The following ZDHHC9 variants were observed in gnomAD, a reference collection of about 807,000 sequenced individuals.
ZDHHC9 encodes zDHHC palmitoyltransferase 9, also known as palmitoyltransferase ZDHHC9.
In ZDHHC9, 3 loss-of-function variants were observed where a neutral mutation model predicts 26.6. That is an observed-to-expected ratio of 0.11 (90% CI 0.05 to 0.29). The LOEUF (loss-of-function observed/expected upper bound fraction) is 0.29, where lower values mean the gene tolerates loss of function less well. Ranked by LOEUF, ZDHHC9 falls within the 10% of genes least tolerant of loss-of-function variation. The probability of loss-of-function intolerance (pLI) is 1.00; values close to 1 mark genes in which losing one functional copy is unlikely to be tolerated. For missense variants in ZDHHC9, 146 were observed against 296.4 expected (o/e 0.49, Z 3.73); for synonymous variants, 111 against 109.4 (o/e 1.01, Z -0.09).
rs746435692 is a variant in ZDHHC9 at position 129,825,031 on chromosome X, G to A, written c.329-1194C>T. 5.1e-4 allele frequency among the ~76,000 whole-genome samples: 57 copies of A among 112,321 alleles called. 1 individual carries two copies. The highest frequency in any genetic ancestry group is 6.6e-4 in the Non-Finnish European group (35 of 53,283). On this transcript the variant is annotated intron_variant, in intron 4 of 10. Transcript: ENST00000357166. ...AAAAAAACAGAATAGGGCCAGGCAT[G>A]GTGGCTCACGCCTGTAATCCCAGCA...
At chrX:129,814,537 A>G in intron 6 of ZDHHC9, 121 bp downstream of exon 6, 4 of 1,038,843 alleles carry the variant, frequency 3.9e-6, no homozygotes, top group Non-Finnish European at 5.3e-6. Context: ...CTCATTTCTA[A>G]CCTGTCCTAA....
At chrX:129,825,662 A>C (rs1455442982) in intron 4 of ZDHHC9, among the ~76,000 whole-genome samples, 1 of 111,442 alleles carries the variant, frequency 9.0e-6, no homozygotes, top group South Asian at 3.7e-4. Flanking sequence ...TCCTTCGATC[A>C]CCACCTCAAT....
intron 5 of ZDHHC9, among the ~76,000 whole-genome samples, chrX:129,820,564 C>G (rs1040006597): frequency 9.0e-6 from 1 of 111,431 alleles, no homozygotes; most frequent in Non-Finnish European, 1.9e-5. Context: ...GCCCTCCAGC[C>G]TGGGAAAAAG....
intron 4 of ZDHHC9, among the ~76,000 whole-genome samples, chrX:129,828,201 C>T (rs1485640443): frequency 1.8e-5 from 2 of 112,130 alleles, no homozygotes; most frequent in Non-Finnish European, 3.8e-5. Flanking sequence ...AAATTGTGTA[C>T]ATGTACATGC....
chrX:129,832,034 G>A (rs1422562621), intron 3 of ZDHHC9, among the ~76,000 whole-genome samples: 9 of 108,723 alleles, frequency 8.3e-5, no homozygotes, highest in South Asian at 4.0e-4. Context: ...GATTTTAAGC[G>A]TTCTCACCAT....
chrX:129,823,589 A>G, intron 5 of ZDHHC9, 90 bp downstream of exon 5: 3 of 1,061,528 alleles, frequency 2.8e-6, no homozygotes, highest in Admixed American at 2.2e-5. Flanking sequence ...ATCTAAATCT[A>G]TCTTCCCTCC....
chrX:129,841,757 ACT>A lies in ZDHHC9; in HGVS notation c.167+20_167+21del. 2 of 1,210,953 alleles carry A rather than the reference ACT, an allele frequency of 1.7e-6. No individual in the cohort carries two copies. The highest frequency in any genetic ancestry group is 2.2e-6 in the Non-Finnish European group (2 of 895,005). On this transcript the variant is annotated intron_variant, in intron 3 of 10. Coordinates refer to ENST00000357166, the MANE Select transcript of ZDHHC9 (RefSeq NM_016032.4). ...GACCCAAAGTAACCATAATCAGGTA[ACT>A]CTACTCAACCGAAACTCACTCAAAG...
chrX:129,843,069 A>T (rs1177313415), intron 2 of ZDHHC9, among the ~76,000 whole-genome samples, 190 bp downstream of exon 2: 1 of 112,322 alleles, frequency 8.9e-6, no homozygotes, highest in Admixed American at 9.4e-5. Flanking sequence ...CACATGCCCC[A>T]CGCTGGCAGG....
intron 4 of ZDHHC9, among the ~76,000 whole-genome samples, chrX:129,825,025 A>C (rs1222247948): frequency 8.9e-6 from 1 of 112,399 alleles, no homozygotes; most frequent in Non-Finnish European, 1.9e-5. Flanking sequence ...GAATAGGGCC[A>C]GGCATGGTGG....
chrX:129,834,359 AT>A (rs202172697), intron 3 of ZDHHC9, among the ~76,000 whole-genome samples: 15,892 of 111,434 alleles, frequency 0.14, 2,786 homozygotes, highest in African/African-American at 0.49. Context: ...AGAACCACCC[AT>A]TAAGACTGTT....
chrX:129,825,964 C>G (rs777806821), intron 4 of ZDHHC9, among the ~76,000 whole-genome samples: 102 of 111,843 alleles, frequency 9.1e-4, no homozygotes, highest in African/African-American at 3.2e-3. Context: ...AACTGCTTCC[C>G]AGACAGACCG....
rs1927510652 is a variant in ZDHHC9 at position 129,806,149 on chromosome X, C to T, written c.*221G>A. 2 of 433,050 alleles carry T rather than the reference C, an allele frequency of 4.6e-6. No individual in the cohort carries two copies. The highest frequency in any genetic ancestry group is 2.5e-5 in the African/African-American group (1 of 40,737). 35.7% of individuals were successfully genotyped at this position (433,050 alleles called of 1,213,427 possible). A position where few individuals can be genotyped will look rare whatever the true frequency, so the allele number is the denominator to read the frequency against. On this transcript the variant is annotated 3_prime_UTR_variant, in exon 11 of 11. Coordinates refer to ENST00000357166, the MANE Select transcript of ZDHHC9 (RefSeq NM_016032.4). ...CCAGGGCCCAAGAGACCCATTTTTC[C>T]AGTTATCAGAGGTGACTGACATCTT...
intron 5 of ZDHHC9, 129 bp from the exon 6 acceptor site, chrX:129,814,924 T>A: frequency 2.8e-6 from 2 of 724,957 alleles, no homozygotes; most frequent in Admixed American, 7.4e-5. Flanking sequence ...ATATAGGGTT[T>A]TTTTTTTTTT....
intron 8 of ZDHHC9, 111 bp downstream of exon 8, chrX:129,812,607 G>A: frequency 1.5e-6 from 1 of 648,104 alleles, no homozygotes; most frequent in South Asian, 2.2e-5. Context: ...CCACGTTTCT[G>A]CCTGCCTCAA....
intron 8 of ZDHHC9, among the ~76,000 whole-genome samples, chrX:129,811,746 C>T (rs1490181109): frequency 9.0e-6 from 1 of 110,988 alleles, no homozygotes; most frequent in Non-Finnish European, 1.9e-5. Context: ...CAACAACTGT[C>T]ACCCCATTGA....
chrX:129,841,699 C>A lies in ZDHHC9; in HGVS notation c.167+80G>T, dbSNP rs763795968. On this transcript the variant is annotated intron_variant, in intron 3 of 10. Coordinates refer to ENST00000357166, the MANE Select transcript of ZDHHC9 (RefSeq NM_016032.4). ...ACGTTAAAGTCATCCAAGGACCAGC[C>A]CCAAACTCCCCAGAAAGCAGGTTCT... 6.9e-6 allele frequency: 8 copies of A among 1,160,073 alleles called. No individual in the cohort carries two copies. The South Asian group carries it at 1.5e-4, about 21-fold the overall frequency.
At chrX:129,827,290 A>G (rs867139504) in intron 4 of ZDHHC9, among the ~76,000 whole-genome samples, 6 of 69,772 alleles carry the variant, frequency 8.6e-5, no homozygotes, top group African/African-American at 2.8e-4. Flanking sequence ...GAGGGAGGGA[A>G]GGAGGGAGGG....
intron 2 of ZDHHC9, 100 bp from the exon 3 acceptor site, chrX:129,842,180 G>T: frequency 2.3e-6 from 1 of 427,577 alleles, no homozygotes; most frequent in Non-Finnish European, 4.1e-6. Flanking sequence ...CTGACTGAAG[G>T]GGTGGGGACG....
At chrX:129,840,922 A>G (rs997660236) in intron 3 of ZDHHC9, among the ~76,000 whole-genome samples, 1 of 110,584 alleles carries the variant, frequency 9.0e-6, no homozygotes, top group African/African-American at 3.3e-5. Flanking sequence ...TACATACACC[A>G]TAGCACGCTC....
Sources: allele counts gnomAD v4.1 joint callset (sites outside exome capture counted in the v4.1 genomes callset), GRCh38; gene constraint gnomAD v4.1.1; transcripts MANE v1.5; gene names NCBI Gene and HGNC (gene_info 2026-07-23, HGNC 2026-07-21).